Variants in TRMO observed in about 807,000 individuals in gnomAD.
TRMO encodes tRNA methyltransferase O, also known as tRNA (adenine(37)-N6)-methyltransferase.
TRMO carries 30 observed loss-of-function variants against 37.2 expected under a neutral mutation model. That is an observed-to-expected ratio of 0.81 (90% CI 0.60 to 1.09). The LOEUF is 1.09. TRMO is among the 50% of genes least tolerant of loss of function. TRMO has a pLI of 0.00. For synonymous variants in TRMO, 239 were observed against 199.4 expected, an observed-to-expected ratio of 1.20 and a Z score of -1.67; for missense variants, 552 against 549.5, an observed-to-expected ratio of 1.00 and a Z score of -0.05.
the TRMO span, among the ~76,000 whole-genome samples, chr9:97,899,232 G>GTGAGGAAGGGAC: frequency 0.72 from 109,614 of 151,384 alleles, 41,046 homozygotes; most frequent in East Asian, 0.92. Flanking sequence ...AAAAAAACCC[G>GTGAGGAAGGGAC]TGAGCTGGTG....
At chr9:97,898,411 A>G in the TRMO span, among the ~76,000 whole-genome samples, 1 of 152,032 alleles carries the variant, frequency 6.6e-6, no homozygotes, top group Non-Finnish European at 1.5e-5. Context: ...GGCTCACTGT[A>G]GCCTTGACTT....
chr9:97,904,962 T>A lies in TRMO; in HGVS notation c.1097A>T (p.Gln366Leu), dbSNP rs746580029. 1.9e-6 allele frequency: 3 copies of A among 1,613,798 alleles called. No homozygotes were observed. Residue 366 changes from glutamine (Q) to leucine (L), a missense_variant, in exon 5 of 5, where the codon CAG becomes CTG. Gln to Leu is a moderately radical substitution (Grantham distance 113). Transcript: ENST00000375119. ...DVGQASFKYFQSAEEAKRAIE... is the reference protein window; with the variant it reads ...DVGQASFKYFLSAEEAKRAIE... The stretch of plus-strand genomic sequence containing the variant: ...GGCACGCTTTGCTTCCTCTGCTGAC[T>A]GAAAATATTTAAATGACGCCTGACC...
the TRMO span, among the ~76,000 whole-genome samples, chr9:97,899,227 A>C: frequency 1.0e-4 from 12 of 115,308 alleles, no homozygotes; most frequent in Admixed American, 8.9e-4. Context: ...TACTAAAAAA[A>C]ACCCGTGAGC....
At chr9:97,911,054 T>C (rs1006368584) in intron 3 of TRMO, 13 of 427,368 alleles carry the variant, frequency 3.0e-5, no homozygotes, top group South Asian at 8.5e-5. Context: ...AGGGATATAG[T>C]AGTCCTCAGT....
rs2131523593 is a variant in TRMO, at chr9:97,909,999, G to T, written c.1027C>A (p.Pro343Thr). The change falls in exon 4 of 5, where the codon CCT (proline) becomes ACT (threonine). Residue 343 changes from proline to threonine, a missense_variant. Transcript: ENST00000375119. The part of the protein sequence containing the change: ...PVATLEVRFT[P>T]HAEMDLGQLS... ...TGCCCAAGGTCCATCTCGGCATGAG[G>T]AGTAAACCGCACTTCTAAAGTGGCC... The T allele has an allele frequency of 6.3e-7, 1 of 1,580,076 alleles. No individual in the cohort carries two copies. Among genetic ancestry groups the T allele is most frequent in the East Asian group, 2.2e-5 (1 of 44,464 alleles).
downstream of TRMO, chr9:97,900,887 C>T (rs1049853484): frequency 1.1e-4 from 19 of 178,512 alleles, no homozygotes; most frequent in Admixed American, 1.3e-4. Context: ...ATGCCTTGTC[C>T]GTGTGTGCTC....
At chr9:97,897,573 C>G in the TRMO span, among the ~76,000 whole-genome samples, 1 of 152,098 alleles carries the variant, frequency 6.6e-6, no homozygotes, top group African/African-American at 2.4e-5. Flanking sequence ...CAGCTTAGCT[C>G]CCAGAAGCAC....
chr9:97,911,063 G>C (rs760406466), intron 3 of TRMO: 28 of 400,006 alleles, frequency 7.0e-5, no homozygotes, highest in African/African-American at 5.0e-4. Flanking sequence ...GTAGTCCTCA[G>C]TATATCTCTG....
rs144300693 is a variant in TRMO, at chr9:97,918,721, T to C, written c.77-2383A>G. ...ATATATATAAATATCATATGCAACA[T>C]ACATGTAAGTTATACGGCATAATAT... On this transcript the variant is annotated intron_variant, in intron 1 of 4. Coordinates refer to ENST00000375119, the MANE Select transcript of TRMO (RefSeq NM_016481.5). Among the ~76,000 whole-genome samples the C allele has an allele frequency of 6.6e-5, 10 of 152,320 alleles. No homozygotes were observed. In the East Asian group the frequency reaches 1.3e-3, roughly 21 times the overall value.
At chr9:97,904,404 C>A, downstream of TRMO, 1 of 898,004 alleles carries the variant, frequency 1.1e-6, no homozygotes, top group Non-Finnish European at 1.4e-6. Flanking sequence ...ATCCCCTCAA[C>A]TAGAAAGTCT....
At chr9:97,914,336 A>G (rs1390441445) in intron 2 of TRMO, among the ~76,000 whole-genome samples, 1 of 152,220 alleles carries the variant, frequency 6.6e-6, no homozygotes, top group Non-Finnish European at 1.5e-5. Flanking sequence ...AAATTAAACT[A>G]AAAATCCAAA....
Position 97,922,476 on chromosome 9 carries a change from C to A in TRMO, c.18G>T (p.Glu6Asp), listed in dbSNP as rs1826708336. ...GGGTCGCTGTAGGCCGAGGCCCCGA[C>A]TCCTCCAAGCCGCGCATGGCTACTG... MRGLE[E>D]SGPRPTATPC... Residue 6 changes from glutamate to aspartate, a missense_variant, in exon 1 of 5, where the codon GAG becomes GAT. Coordinates refer to ENST00000375119, the MANE Select transcript of TRMO (RefSeq NM_016481.5). The A allele has an allele frequency of 6.3e-7, 1 of 1,579,942 alleles. No homozygotes were observed. Among genetic ancestry groups the A allele is most frequent in the East Asian group, 2.3e-5 (1 of 43,612 alleles).
intron 4 of TRMO, among the ~76,000 whole-genome samples, chr9:97,906,993 T>C (rs978606851): frequency 4.6e-5 from 7 of 152,228 alleles, no homozygotes; most frequent in African/African-American, 1.4e-4. Flanking sequence ...AAAATCCTTT[T>C]ACAACTGACC....
Position 97,906,278 on chromosome 9 carries a change from G to A in TRMO, c.1067-1286C>T, listed in dbSNP as rs375074341. Among the ~76,000 whole-genome samples, 94 of 152,204 alleles carry A rather than the reference G, an allele frequency of 6.2e-4. 1 individual carries two copies. The highest frequency in any genetic ancestry group is 2.1e-3 in the African/African-American group (89 of 41,536). On this transcript the variant is annotated intron_variant, in intron 4 of 4. Transcript: ENST00000375119. ...GCTCATCACACTCCCCTGTGACGGC[G>A]TTTCTGGGAGAGGCTCCAGGCCTCT...
At chr9:97,910,807 C>G in intron 3 of TRMO, 191 bp from the exon 4 acceptor site, 1 of 654,722 alleles carries the variant, frequency 1.5e-6, no homozygotes, top group Admixed American at 2.8e-5. Context: ...CTATCAAACT[C>G]CTACTTGCTC....
chr9:97,900,745 T>A (rs528880084), downstream of TRMO: 15 of 980,574 alleles, frequency 1.5e-5, no homozygotes, highest in South Asian at 4.2e-4. Flanking sequence ...CAGGCTTTCA[T>A]TTTTATTGAG....
chr9:97,913,177 T>TAC (rs1254652358), intron 3 of TRMO: 1 of 521,922 alleles, frequency 1.9e-6, no homozygotes, highest in Non-Finnish European at 3.5e-6. Flanking sequence ...TAGTTTTGGA[T>TAC]ATATGCAATA....
In TRMO at chr9:97,913,474, T is replaced by G. The variant is rs1685413408; in HGVS notation, c.336A>C (p.Gly112=). The change falls in exon 3 of 5, where the codon GGA becomes GGC. Residue 112 remains glycine, a synonymous_variant. Coordinates refer to ENST00000375119, the MANE Select transcript of TRMO (RefSeq NM_016481.5). ...QPPRLNGAKT[G]VFSTRSPHRP... ...GATGAGGGCTCCTTGTGGAAAAAAC[T>G]CCAGTCTTTGCACCATTCAGCCTAG... 1 of 1,613,968 alleles carries G rather than the reference T, an allele frequency of 6.2e-7. No homozygotes were observed. The highest frequency in any genetic ancestry group is 1.3e-5 in the African/African-American group (1 of 74,904).
intron 3 of TRMO, chr9:97,913,195 C>G: frequency 1.7e-6 from 1 of 572,572 alleles, no homozygotes; most frequent in East Asian, 3.1e-5. Context: ...ATAATATAAA[C>G]AAGCTCTGAG....
Sources: allele counts gnomAD v4.1 joint callset (sites outside exome capture counted in the v4.1 genomes callset), GRCh38; gene constraint gnomAD v4.1.1; transcripts MANE v1.5; gene names NCBI Gene and HGNC (gene_info 2026-07-23, HGNC 2026-07-21).